RAD21: variants seen among roughly 807,000 people sequenced by gnomAD.
RAD21 encodes RAD21 cohesin complex component, also known as double-strand-break repair protein rad21 homolog.
In RAD21, 18 loss-of-function variants were observed where a neutral mutation model predicts 71.5. The observed-to-expected ratio is 0.25, with a 90% CI of 0.17 to 0.37. RAD21 has a LOEUF of 0.37. Ranked by LOEUF, RAD21 falls within the 10% of genes least tolerant of loss-of-function variation. RAD21 has a pLI of 1.00. For synonymous variants in RAD21, 248 were observed against 254.0 expected (o/e 0.98, Z 0.22); for missense variants, 493 against 769.1 (o/e 0.64, Z 4.25).
chr8:116,848,861 T>C, intron 13 of RAD21, 85 bp downstream of exon 13: 2 of 1,055,284 alleles, frequency 1.9e-6, no homozygotes, highest in Non-Finnish European at 2.7e-6. Flanking sequence ...GCTTTCTGTT[T>C]CCAGCATCTA....
chr8:116,851,972 T>C lies in RAD21; in HGVS notation c.1446A>G (p.Gln482=). The C allele has an allele frequency of 6.2e-7, 1 of 1,610,206 alleles. No homozygotes were observed. The highest frequency in any genetic ancestry group is 8.5e-7 in the Non-Finnish European group (1 of 1,177,130). The change falls in exon 11 of 14, where the codon CAA becomes CAG. Residue 482 remains glutamine, a synonymous_variant. Transcript: ENST00000297338. ...PPQGVKRKAG[Q]IDPEPVMPPQ... is the part of the protein sequence containing the mutation. ...CAGGCATCACAGGCTCTGGGTCAAT[T>C]TGTCCAGCTTTTCGCTTAACTCCCT...
chr8:116,854,434 T>A lies in RAD21; in HGVS notation c.972A>T (p.Leu324=). The change falls in exon 9 of 14, where the codon CTA becomes CTT. Residue 324 remains leucine (L), a synonymous_variant. Coordinates refer to ENST00000297338, the MANE Select transcript of RAD21 (RefSeq NM_006265.3). ...KETKAKRKRK[L]IVDSVKELDS... ...CCAACTCTTTGACACTGTCAACAATTAGCTTCCTCTTCCTCTTGGCTTTTG... is the reference window on the plus strand; with the variant it reads ...CCAACTCTTTGACACTGTCAACAATAAGCTTCCTCTTCCTCTTGGCTTTTG... 1 of 1,613,844 alleles carries A rather than the reference T, an allele frequency of 6.2e-7. No homozygotes were observed. Among genetic ancestry groups the A allele is most frequent in the South Asian group, 1.1e-5 (1 of 91,064 alleles).
intron 4 of RAD21, 75 bp from the exon 5 acceptor site, chr8:116,858,533 G>A: frequency 1.6e-6 from 2 of 1,212,764 alleles, no homozygotes; most frequent in Admixed American, 2.2e-5. Context: ...CTCTCTATAA[G>A]AAAAATTAAA....
At chr8:116,859,201 A>C (rs1306811888) in intron 4 of RAD21, among the ~76,000 whole-genome samples, 1 of 151,868 alleles carries the variant, frequency 6.6e-6, no homozygotes, top group Admixed American at 6.6e-5. Flanking sequence ...TGTTTTACTG[A>C]GTTTCGCAGA....
chr8:116,864,310 C>T (rs1441830791), intron 2 of RAD21, among the ~76,000 whole-genome samples: 1 of 152,050 alleles, frequency 6.6e-6, no homozygotes, highest in Non-Finnish European at 1.5e-5. Flanking sequence ...ACAAAAAAAG[C>T]TTTTAAACAT....
intron 9 of RAD21, among the ~76,000 whole-genome samples, chr8:116,853,525 C>T (rs146666663): frequency 6.2e-4 from 94 of 152,306 alleles, no homozygotes; most frequent in African/African-American, 2.2e-3. Context: ...CTTTGAATTA[C>T]TTCCTTAGGA....
intron 1 of RAD21, chr8:116,874,121 G>A (rs939019690): frequency 2.2e-5 from 2 of 92,130 alleles, no homozygotes; most frequent in African/African-American, 4.3e-5. Flanking sequence ...CCCCGCACCC[G>A]AGTTCGGCGG....
At position 116,854,305 on chromosome 8, in the gene RAD21, T is replaced by A. The variant is rs1812418958; in HGVS notation, c.1101A>T (p.Gly367=). Residue 367 remains glycine, a synonymous_variant, in exon 9 of 14, where the codon GGA becomes GGT. Coordinates refer to ENST00000297338, the MANE Select transcript of RAD21 (RefSeq NM_006265.3). The part of the protein sequence containing the change: ...TKKLMMWKET[G]GVEKLFSLPA... ...GTAAAGAAAACAGTTTTTCTACTCC[T>A]CCTGTCTCTTTCCACATCATCAATT... The A allele has an allele frequency of 1.2e-6, 2 of 1,613,862 alleles. 1 individual carries two copies.
chr8:116,852,483 TA>T, intron 10 of RAD21, 65 bp downstream of exon 10: 1 of 1,455,124 alleles, frequency 6.9e-7, no homozygotes, highest in South Asian at 1.4e-5. Flanking sequence ...TCTGACAGTA[TA>T]AAGGTAAATT....
intron 7 of RAD21, 42 bp downstream of exon 7, chr8:116,856,604 C>G: frequency 1.3e-6 from 2 of 1,530,890 alleles, no homozygotes; most frequent in Non-Finnish European, 1.8e-6. Flanking sequence ...TTTCTGGATG[C>G]CATACAATCA....
chr8:116,866,831 T>C (rs781741500), intron 1 of RAD21, 70 bp from the exon 2 acceptor site: 48 of 1,103,912 alleles, frequency 4.3e-5, no homozygotes, highest in Non-Finnish European at 5.3e-5. Context: ...ACATAAGAAA[T>C]TTAAAATTTT....
Position 116,849,048 on chromosome 8 carries a change from C to CA in RAD21, c.1621-20dup. The CA allele has an allele frequency of 6.5e-7, 1 of 1,540,724 alleles. No individual in the cohort carries two copies. The highest frequency in any genetic ancestry group is 2.1e-5 in the Admixed American group (1 of 48,486). On this transcript the variant is annotated intron_variant, in intron 12 of 13. Coordinates refer to ENST00000297338, the MANE Select transcript of RAD21 (RefSeq NM_006265.3). ...CTTCATCCTGAATAAAAATGACCCC[C>CA]AAAAAGCTGACAAAACAAGTCCAAT...
chr8:116,856,223 T>C lies in RAD21; in HGVS notation c.880A>G (p.Thr294Ala). The C allele has an allele frequency of 6.2e-6, 10 of 1,608,304 alleles. No individual in the cohort carries two copies. The highest frequency in any genetic ancestry group is 8.5e-6 in the Non-Finnish European group (10 of 1,177,572). Residue 294 changes from threonine (T) to alanine (A), a missense_variant, in exon 8 of 14, where the codon ACA (threonine) becomes GCA (alanine). By Grantham distance (58) the Thr-to-Ala change is moderately conservative (BLOSUM62 0). Coordinates refer to ENST00000297338, the MANE Select transcript of RAD21 (RefSeq NM_006265.3). Reference sequence around the variant, plus strand: ...TCTTCCTCATTTGGAACAAGTGTTGTTTGATCAGTCATGGTTGGCATTGGT... The same window carrying C: ...TCTTCCTCATTTGGAACAAGTGTTGCTTGATCAGTCATGGTTGGCATTGGT... ...VEPMPTMTDQ[T>A]TLVPNEEEAF...
intron 1 of RAD21, among the ~76,000 whole-genome samples, chr8:116,868,174 T>C (rs1812736323): frequency 1.3e-5 from 2 of 152,156 alleles, no homozygotes; most frequent in African/African-American, 4.8e-5. Context: ...TCTCAAGTAG[T>C]TGGAACTACA....
intron 1 of RAD21, among the ~76,000 whole-genome samples, chr8:116,873,777 C>G (rs1184859806): frequency 6.6e-6 from 1 of 152,058 alleles, no homozygotes; most frequent in East Asian, 1.9e-4. Flanking sequence ...CAAAGCGGAT[C>G]ATTCGCAAAA....
chr8:116,852,037 T>C lies in RAD21; in HGVS notation c.1381A>G (p.Thr461Ala). 1 of 1,612,920 alleles carries C rather than the reference T, an allele frequency of 6.2e-7. No individual in the cohort carries two copies. Among genetic ancestry groups the C allele is most frequent in the Non-Finnish European group, 8.5e-7 (1 of 1,178,986 alleles). The change falls in exon 11 of 14, where the codon ACA becomes GCA. Residue 461 changes from threonine to alanine, a missense_variant. By Grantham distance (58) the Thr-to-Ala change is moderately conservative (BLOSUM62 0). Coordinates refer to ENST00000297338, the MANE Select transcript of RAD21 (RefSeq NM_006265.3). ...LQESVMEASRTNIDESAMPPP... is the reference protein window; with the variant it reads ...LQESVMEASRANIDESAMPPP... ...GGCATAGCTGACTCATCTATGTTTG[T>C]TCTGCTGGCCTCCATCACTGACTCC...
intron 13 of RAD21, among the ~76,000 whole-genome samples, chr8:116,848,521 T>G (rs1812289730): frequency 6.6e-6 from 1 of 152,198 alleles, no homozygotes; most frequent in Admixed American, 6.5e-5. Flanking sequence ...TGTCTATGTC[T>G]AGGACATTAA....
intron 4 of RAD21, among the ~76,000 whole-genome samples, chr8:116,861,373 G>T (rs139439525): frequency 6.6e-6 from 1 of 151,002 alleles, no homozygotes; most frequent in African/African-American, 2.4e-5. Context: ...TCTCAAATGT[G>T]TGTCATGACA....
rs763107056 is a variant in RAD21, at chr8:116,852,584, T to A, written c.1286A>T (p.Asp429Val). ...EFENPEVPRE[D>V]QQQQHQQRDV... ...ACGCTGCTGATGCTGCTGTTGCTGG[T>A]CCTCTCTAGGAACCTCTGGATTTTC... The change falls in exon 10 of 14, where the codon GAC becomes GTC. Residue 429 changes from aspartate to valine, a missense_variant. Asp to Val is a radical substitution (Grantham distance 152). This residue lies in a region of RAD21 where 225 missense variants were observed against 218.3 expected (regional missense o/e 1.03). Transcript: ENST00000297338. The A allele has an allele frequency of 6.2e-7, 1 of 1,613,398 alleles. No homozygotes were observed. The highest frequency in any genetic ancestry group is 1.7e-5 in the Admixed American group (1 of 59,902).
Sources: allele counts gnomAD v4.1 joint callset (sites outside exome capture counted in the v4.1 genomes callset), GRCh38; gene constraint gnomAD v4.1.1; regional missense constraint gnomAD v4.1.1; transcripts MANE v1.5; gene names NCBI Gene and HGNC (gene_info 2026-07-23, HGNC 2026-07-21).